Variants in COP1 observed in about 807,000 individuals in gnomAD.
COP1 encodes the protein E3 ubiquitin-protein ligase COP1.
In COP1, 24 loss-of-function variants were observed where a neutral mutation model predicts 101.3. The observed-to-expected ratio is 0.24, with a 90% CI of 0.17 to 0.33. COP1 has a LOEUF of 0.33. COP1 is among the 10% of genes least tolerant of loss of function. COP1 has a pLI of 1.00. For synonymous variants in COP1, 347 were observed against 341.9 expected, an observed-to-expected ratio of 1.01 and a Z score of -0.17; for missense variants, 663 against 906.2, an observed-to-expected ratio of 0.73 and a Z score of 3.45.
At chr1:175,955,704 A>C (rs1650537634) in intron 18 of COP1, among the ~76,000 whole-genome samples, 1 of 151,612 alleles carries the variant, frequency 6.6e-6, no homozygotes, top group African/African-American at 2.4e-5. Context: ...AATGATAAGC[A>C]AATAGAATTT....
At chr1:176,008,561 G>T (rs935773724) in intron 15 of COP1, among the ~76,000 whole-genome samples, 3 of 151,690 alleles carry the variant, frequency 2.0e-5, no homozygotes, top group South Asian at 2.1e-4. Context: ...GAATATATTT[G>T]TAATAACTAA....
At chr1:176,090,459 CTT>C (rs980431015) in intron 9 of COP1, among the ~76,000 whole-genome samples, 27 of 152,120 alleles carry the variant, frequency 1.8e-4, no homozygotes, top group African/African-American at 6.3e-4. Context: ...GTTTGACTCT[CTT>C]TGTCAATAAC....
intron 6 of COP1, 68 bp downstream of exon 6, chr1:176,148,938 C>A: frequency 9.6e-7 from 1 of 1,037,654 alleles, no homozygotes; most frequent in Non-Finnish European, 1.4e-6. Flanking sequence ...GCCTGAAATG[C>A]TTTTACAAAA....
chr1:176,168,682 G>T, intron 3 of COP1: 1 of 307,324 alleles, frequency 3.3e-6, no homozygotes, highest in South Asian at 2.5e-5. Flanking sequence ...AGCCTTTCAG[G>T]ATCAGGAGAG....
intron 18 of COP1, among the ~76,000 whole-genome samples, chr1:175,969,580 C>G (rs1652841783): frequency 6.6e-6 from 1 of 152,214 alleles, no homozygotes; most frequent in South Asian, 2.1e-4. Context: ...CTCCATGAGA[C>G]TATTCATTTC....
chr1:176,038,167 T>C (rs544992815), intron 14 of COP1, among the ~76,000 whole-genome samples: 2 of 152,112 alleles, frequency 1.3e-5, no homozygotes, highest in Non-Finnish European at 2.9e-5. Context: ...AAAAATACCA[T>C]TTTCATTAGC....
rs144959536 is a variant in COP1 at position 175,967,774 on chromosome 1, A to C, written c.2133+19169T>G. 3.0e-3 allele frequency among the ~76,000 whole-genome samples: 456 copies of C among 152,346 alleles called. 2 individuals carry two copies. Among genetic ancestry groups the C allele is most frequent in the African/African-American group, 0.01 (429 of 41,578 alleles). On this transcript the variant is annotated intron_variant, in intron 18 of 19. Coordinates refer to ENST00000367669, the MANE Select transcript of COP1 (RefSeq NM_022457.7). ...TAATGAGAAAATCTTCACGGAAGCT[A>C]TCTCTGATTAGCTCCTTCATATCTA...
intron 8 of COP1, among the ~76,000 whole-genome samples, chr1:176,129,179 T>G (rs1361975458): frequency 6.6e-6 from 1 of 151,906 alleles, no homozygotes; most frequent in Non-Finnish European, 1.5e-5. Flanking sequence ...ATATATATTT[T>G]TAATGTTAAA....
At chr1:176,186,341 AC>A (rs1698439016) in intron 1 of COP1, among the ~76,000 whole-genome samples, 2 of 151,482 alleles carry the variant, frequency 1.3e-5, no homozygotes, top group African/African-American at 2.4e-5. Flanking sequence ...CCTCATCTCT[AC>A]AAAAAAAAAA....
At chr1:176,122,680 G>A (rs373823470) in intron 8 of COP1, among the ~76,000 whole-genome samples, 1 of 152,170 alleles carries the variant, frequency 6.6e-6, no homozygotes, top group African/African-American at 2.4e-5. Context: ...GTTACATAAT[G>A]CATACAGGGA....
intron 11 of COP1, among the ~76,000 whole-genome samples, chr1:176,056,435 A>AT (rs35986871): frequency 0.4 from 60,571 of 151,912 alleles, 12,286 homozygotes; most frequent in Middle Eastern, 0.45. Context: ...TAACACAGGG[A>AT]TTTTTTAATA....
chr1:176,023,965 A>G (rs762337026), intron 15 of COP1, among the ~76,000 whole-genome samples: 3 of 152,070 alleles, frequency 2.0e-5, no homozygotes, highest in Non-Finnish European at 4.4e-5. Context: ...TATCATCATA[A>G]GAAAACTACA....
chr1:176,160,265 T>C (rs1694106898), intron 5 of COP1: 2 of 400,870 alleles, frequency 5.0e-6, no homozygotes, highest in South Asian at 1.8e-5. Context: ...CTTTTTTTTT[T>C]TTTTTTTTTT....
chr1:176,030,239 T>C (rs1355367601), intron 14 of COP1, among the ~76,000 whole-genome samples: 6 of 152,196 alleles, frequency 3.9e-5, no homozygotes, highest in Non-Finnish European at 5.9e-5. Context: ...ATTTGGTCAA[T>C]CACGACATAC....
At chr1:176,095,880 A>G (rs1249762079) in intron 9 of COP1, among the ~76,000 whole-genome samples, 1 of 152,174 alleles carries the variant, frequency 6.6e-6, no homozygotes, top group African/African-American at 2.4e-5. Context: ...ATCTGTTAAG[A>G]ATCAGTTCAC....
At chr1:176,133,057 T>C (rs866823504) in intron 8 of COP1, among the ~76,000 whole-genome samples, 12 of 115,626 alleles carry the variant, frequency 1.0e-4, no homozygotes, top group Admixed American at 1.8e-4. Flanking sequence ...TATACACACA[T>C]ATACACATAT....
intron 14 of COP1, among the ~76,000 whole-genome samples, chr1:176,033,494 T>C (rs1236494151): frequency 6.6e-6 from 1 of 152,156 alleles, no homozygotes; most frequent in African/African-American, 2.4e-5. Flanking sequence ...TCTGCTATCA[T>C]ACAGTCTAAA....
Position 176,206,706 on chromosome 1 carries a change from G to T in COP1, c.273C>A (p.Cys91Ter). 6.2e-7 allele frequency: 1 copy of T among 1,600,426 alleles called. No individual in the cohort carries two copies. The change falls in exon 1 of 20, where the codon TGC (cysteine) becomes TGA (stop). Residue 91 changes from cysteine (C) to a stop codon, truncating the protein, a stop_gained. Coordinates refer to ENST00000367669, the MANE Select transcript of COP1 (RefSeq NM_022457.7). LOFTEE classifies it high-confidence loss of function. Reference protein sequence around the residue: ...AVSTGLSRHSCAARPSAGVGG... With the variant: ...AVSTGLSRHS ...CTACGCCGGCGCTGGGCCTGGCCGC[G>T]CAGCTGTGCCGGGACAGGCCCGTGG...
intron 15 of COP1, among the ~76,000 whole-genome samples, chr1:176,024,955 A>T (rs1201126717): frequency 6.6e-6 from 1 of 152,180 alleles, no homozygotes; most frequent in East Asian, 1.9e-4. Context: ...AGATAAAATG[A>T]ATAATAGGCT....
Sources: allele counts gnomAD v4.1 joint callset (sites outside exome capture counted in the v4.1 genomes callset), GRCh38; gene constraint gnomAD v4.1.1; transcripts MANE v1.5; gene names NCBI Gene and HGNC (gene_info 2026-07-23, HGNC 2026-07-21).